VCL: variants seen among roughly 807,000 people sequenced by gnomAD.
VCL encodes the protein vinculin.
A neutral mutation model predicts 125.7 loss-of-function variants in VCL; 47 were observed. The ratio of observed to expected loss-of-function variants is 0.37; its 90% CI spans 0.30 to 0.48. The LOEUF (loss-of-function observed/expected upper bound fraction) is 0.48, where lower values mean the gene tolerates loss of function less well. VCL is among the 20% of genes least tolerant of loss of function. The pLI is 0.99. For missense variants in VCL, 1,069 were observed against 1,455.5 expected (o/e 0.73, Z 4.32); for synonymous variants, 458 against 514.6 (o/e 0.89, Z 1.49).
At chr10:74,059,247 G>C (rs1238772083) in intron 2 of VCL, among the ~76,000 whole-genome samples, 1 of 151,954 alleles carries the variant, frequency 6.6e-6, no homozygotes, top group Non-Finnish European at 1.5e-5. Context: ...CCCAACTACT[G>C]GGAGGCTAAG....
chr10:74,065,670 C>G (rs958647529), intron 2 of VCL, among the ~76,000 whole-genome samples: 25 of 148,154 alleles, frequency 1.7e-4, no homozygotes, highest in Admixed American at 6.0e-4. Flanking sequence ...GGCAACAGAC[C>G]GAGACCCTGT....
intron 2 of VCL, among the ~76,000 whole-genome samples, chr10:74,062,694 C>T (rs1439659584): frequency 6.6e-6 from 1 of 151,550 alleles, no homozygotes; most frequent in African/African-American, 2.4e-5. Context: ...AAGTGATTCT[C>T]CCACTTTAGC....
chr10:74,075,390 A>G (rs4745733), intron 6 of VCL: 9,589 of 156,284 alleles, frequency 0.061, 1,036 homozygotes, highest in African/African-American at 0.22. Flanking sequence ...ATTTTCCCCA[A>G]GGAAGGTTTA....
chr10:74,049,645 G>A (rs1187932481), intron 2 of VCL, among the ~76,000 whole-genome samples: 2 of 152,126 alleles, frequency 1.3e-5, no homozygotes, highest in African/African-American at 4.8e-5. Flanking sequence ...ACATGGTGGG[G>A]GTGGTAGGAA....
intron 13 of VCL, among the ~76,000 whole-genome samples, chr10:74,098,289 A>G (rs191935403): frequency 3.9e-5 from 6 of 152,168 alleles, no homozygotes; most frequent in African/African-American, 1.4e-4. Flanking sequence ...GACCACTAAG[A>G]TAACACCACC....
At chr10:74,094,924 AC>A (rs1839942104) in intron 11 of VCL, among the ~76,000 whole-genome samples, 1 of 152,298 alleles carries the variant, frequency 6.6e-6, no homozygotes, top group East Asian at 1.9e-4. Context: ...ACAGAGAGAG[AC>A]CATGTCTCTT....
At chr10:74,021,484 T>A (rs1259002578) in intron 1 of VCL, among the ~76,000 whole-genome samples, 2 of 152,338 alleles carry the variant, frequency 1.3e-5, no homozygotes, top group Middle Eastern at 3.4e-3. Context: ...TATATCTATG[T>A]AAGCCATATG....
At chr10:74,036,054 T>TG (rs944040567) in intron 1 of VCL, among the ~76,000 whole-genome samples, 4 of 152,236 alleles carry the variant, frequency 2.6e-5, no homozygotes, top group Non-Finnish European at 4.4e-5. Context: ...AAGGGGGTCA[T>TG]GGAACCAATT....
At position 74,071,911 on chromosome 10, in the gene VCL, A is replaced by G. The variant is rs1379887371; in HGVS notation, c.500-819A>G. Among the ~76,000 whole-genome samples the G allele has an allele frequency of 3.9e-5, 6 of 152,194 alleles. No individual in the cohort carries two copies. The highest frequency in any genetic ancestry group is 1.3e-4 in the Admixed American group (2 of 15,276). ...TAGAGTAGTCCTCTTAAAATTTCTC[A>G]TAATACTGGCGAAAATTATATTTCC... On this transcript the variant is annotated intron_variant, in intron 4 of 21. Coordinates refer to ENST00000211998, the MANE Select transcript of VCL (RefSeq NM_014000.3). The surrounding 1 kb of genome is among the most constrained non-coding windows in gnomAD (Gnocchi z 4.1).
chr10:74,005,837 GT>G (rs754198503), intron 1 of VCL, among the ~76,000 whole-genome samples: 6 of 151,576 alleles, frequency 4.0e-5, no homozygotes, highest in Non-Finnish European at 5.9e-5. Context: ...TAGTTATACT[GT>G]TTTTTTAATT....
At chr10:74,034,316 T>G (rs1840934214) in intron 1 of VCL, among the ~76,000 whole-genome samples, 1 of 152,136 alleles carries the variant, frequency 6.6e-6, no homozygotes, top group African/African-American at 2.4e-5. Context: ...TCTCCACATC[T>G]CCTCTCTACC....
intron 1 of VCL, among the ~76,000 whole-genome samples, chr10:74,037,556 A>G (rs1045766143): frequency 6.6e-6 from 1 of 152,218 alleles, no homozygotes; most frequent in East Asian, 1.9e-4. Flanking sequence ...CTCTGCCTTC[A>G]CTTAGCATAC....
chr10:74,094,497 G>A (rs1426895980), intron 11 of VCL, 36 bp downstream of exon 11: 1 of 1,599,808 alleles, frequency 6.3e-7, no homozygotes, highest in Non-Finnish European at 8.5e-7. Flanking sequence ...TCATTAAATT[G>A]GTCTCAGTGC....
intron 1 of VCL, among the ~76,000 whole-genome samples, chr10:74,014,642 G>A (rs1840503133): frequency 1.3e-5 from 2 of 151,986 alleles, no homozygotes; most frequent in Admixed American, 1.3e-4. Context: ...CAGCTTTCCA[G>A]GTAGAGTTGA....
In VCL at chr10:74,072,785, G is replaced by A. The variant is rs748428678; in HGVS notation, c.555G>A (p.Gln185=). The part of the protein sequence containing the change: ...IDERQQELTH[Q]EHRVMLVNSM... Reference sequence around the variant, plus strand: ...AGAGACAGCAGGAGCTCACTCACCAGGAGCACCGAGTGATGTTGGTGAACT... The same window carrying A: ...AGAGACAGCAGGAGCTCACTCACCAAGAGCACCGAGTGATGTTGGTGAACT... The change falls in exon 5 of 22, where the codon CAG becomes CAA. Residue 185 remains glutamine, a synonymous_variant. Coordinates refer to ENST00000211998, the MANE Select transcript of VCL (RefSeq NM_014000.3). The A allele has an allele frequency of 6.2e-6, 10 of 1,614,058 alleles. No individual in the cohort carries two copies. The South Asian group carries it at 8.8e-5, about 14-fold the overall frequency.
At chr10:74,095,533 G>T in intron 11 of VCL, 123 bp from the exon 12 acceptor site, 1 of 1,244,588 alleles carries the variant, frequency 8.0e-7, no homozygotes, top group Non-Finnish European at 1.1e-6. Flanking sequence ...AGGCTGCAAT[G>T]AGCTGTTGTT....
chr10:74,059,705 T>C (rs1564520315), intron 2 of VCL, among the ~76,000 whole-genome samples: 2 of 152,172 alleles, frequency 1.3e-5, no homozygotes, highest in African/African-American at 4.8e-5. Context: ...GCGTCCAGCC[T>C]GCTGGACATA....
At chr10:74,089,785 A>G (rs1839848132) in intron 9 of VCL, among the ~76,000 whole-genome samples, 1 of 152,236 alleles carries the variant, frequency 6.6e-6, no homozygotes, top group African/African-American at 2.4e-5. Flanking sequence ...TGGTTAATTC[A>G]GAGATGAGAT....
chr10:74,105,174 G>C lies in VCL; in HGVS notation c.2255G>C (p.Gly752Ala). 6.2e-7 allele frequency: 1 copy of C among 1,614,134 alleles called. No individual in the cohort carries two copies. Among genetic ancestry groups the C allele is most frequent in the Admixed American group, 1.7e-5 (1 of 60,014 alleles). Residue 752 changes from glycine (G) to alanine (A), a missense_variant, in exon 16 of 22, where the codon GGG becomes GCG. Coordinates refer to ENST00000211998, the MANE Select transcript of VCL (RefSeq NM_014000.3). ...ANIQPQMLVA[G>A]ATSIARRANR... Reference sequence around the variant, plus strand: ...ATTCAGCCTCAGATGCTGGTTGCTGGGGCAACCAGTATTGCTCGTCGGGCC... The same window carrying C: ...ATTCAGCCTCAGATGCTGGTTGCTGCGGCAACCAGTATTGCTCGTCGGGCC...
Sources: gnomAD v4.1 joint callset for allele counts (sites outside exome capture counted in the v4.1 genomes callset) on GRCh38, gnomAD v4.1.1 for gene constraint, Gnocchi (gnomAD v3.1) non-coding constraint, MANE v1.5 for transcripts, NCBI Gene and HGNC (gene_info 2026-07-23, HGNC 2026-07-21) for gene names.